The following TPST2 variants were observed in gnomAD, a reference collection of about 807,000 sequenced individuals.
TPST2 encodes protein-tyrosine sulfotransferase 2.
In TPST2, 16 loss-of-function variants were observed where a neutral mutation model predicts 27.8. The ratio of observed to expected loss-of-function variants is 0.58; its 90% CI spans 0.39 to 0.88. The LOEUF (loss-of-function observed/expected upper bound fraction) is 0.88. Among genes scored for constraint, TPST2 ranks in the 40% least tolerant of loss-of-function variants. TPST2 has a pLI of 0.00. For synonymous variants in TPST2, 229 were observed against 231.7 expected, an observed-to-expected ratio of 0.99 and a Z score of 0.10; for missense variants, 464 against 543.1, an observed-to-expected ratio of 0.85 and a Z score of 1.45.
Position 26,587,086 on chromosome 22 carries a change from G to T in TPST2, c.-161+2967C>A, listed in dbSNP as rs982337087. Among the ~76,000 whole-genome samples, 3 of 152,326 alleles carry T rather than the reference G, an allele frequency of 2.0e-5. No individual in the cohort carries two copies. In the East Asian group the frequency reaches 5.8e-4, roughly 29 times the overall value. ...GAAGTCACCTTCAGAGTAGCGTGGG[G>T]GGTTCCAGATAGGGTGTGGGCAGGA... On this transcript the variant is annotated intron_variant, in intron 1 of 6. Transcript: ENST00000338754.
intron 1 of TPST2, among the ~76,000 whole-genome samples, chr22:26,580,119 C>T (rs1928037910): frequency 6.6e-6 from 1 of 152,082 alleles, no homozygotes; most frequent in South Asian, 2.1e-4. Flanking sequence ...TGGTCTGTAC[C>T]TGTAGTCCCA....
At chr22:26,571,845 A>G (rs1927639856) in intron 1 of TPST2, among the ~76,000 whole-genome samples, 1 of 152,056 alleles carries the variant, frequency 6.6e-6, no homozygotes, top group Admixed American at 6.6e-5. Flanking sequence ...AGTCCTGTGC[A>G]TTACACTCAA....
intron 1 of TPST2, among the ~76,000 whole-genome samples, chr22:26,548,785 G>A (rs1405019511): frequency 6.9e-6 from 1 of 145,364 alleles, no homozygotes; most frequent in Non-Finnish European, 1.5e-5. Flanking sequence ...AACAAAGTGA[G>A]ACCCCATCAC....
At chr22:26,579,655 T>G (rs1009778485) in intron 1 of TPST2, among the ~76,000 whole-genome samples, 5 of 151,624 alleles carry the variant, frequency 3.3e-5, no homozygotes, top group Admixed American at 2.0e-4. Context: ...CCAAAGCAAG[T>G]GGGATGAAAA....
At chr22:26,553,047 C>T (rs28478561) in intron 1 of TPST2, among the ~76,000 whole-genome samples, 41 of 120,766 alleles carry the variant, frequency 3.4e-4, no homozygotes, top group East Asian at 2.5e-4. Flanking sequence ...GTGACAACAG[C>T]GAAACTCCAT....
intron 1 of TPST2, among the ~76,000 whole-genome samples, chr22:26,577,265 T>TAAAA (rs35985150): frequency 1.6e-5 from 2 of 127,568 alleles, no homozygotes; most frequent in Admixed American, 1.7e-4. Flanking sequence ...ACCCTGTCTT[T>TAAAA]AAAAAAAAAA....
chr22:26,523,925 A>G lies in TPST2; in HGVS notation c.*2350T>C, dbSNP rs1360601610. On this transcript the variant is annotated 3_prime_UTR_variant, in exon 7 of 7. Coordinates refer to ENST00000338754, the MANE Select transcript of TPST2 (RefSeq NM_003595.5). The stretch of plus-strand genomic sequence containing the variant: ...TGTTTTCCCAGGAAGTTCTCTGAAC[A>G]TCCAGGGTCTTCACAGATGGACTTC... The G allele has an allele frequency of 6.6e-6, 1 of 152,136 alleles. No individual in the cohort carries two copies. Among genetic ancestry groups the G allele is most frequent in the African/African-American group, 2.4e-5 (1 of 41,434 alleles). 9.4% of individuals were successfully genotyped at this position (152,136 alleles called of 1,614,324 possible). A position where few individuals can be genotyped will look rare whatever the true frequency, so the allele number is the denominator to read the frequency against.
intron 1 of TPST2, among the ~76,000 whole-genome samples, chr22:26,568,593 C>T (rs1927468209): frequency 6.6e-6 from 1 of 152,076 alleles, no homozygotes; most frequent in Non-Finnish European, 1.5e-5. Context: ...AATGCATGAG[C>T]GTGCTAAAAG....
At chr22:26,563,231 A>G (rs533931689) in intron 1 of TPST2, among the ~76,000 whole-genome samples, 3 of 152,260 alleles carry the variant, frequency 2.0e-5, no homozygotes, top group East Asian at 3.9e-4. Context: ...ATCAGTAAAC[A>G]AGACAAAGCC....
At position 26,522,614 on chromosome 22, in the gene TPST2, C is replaced by T. The variant is rs1924612095; in HGVS notation, c.*3661G>A. ...TTGCAGAGACTCACTCATACAGTGG[C>T]ATCAAGAGGTTATATGTGCAGGAGA... On this transcript the variant is annotated 3_prime_UTR_variant, in exon 7 of 7. Coordinates refer to ENST00000338754, the MANE Select transcript of TPST2 (RefSeq NM_003595.5). 2 of 152,240 alleles carry T rather than the reference C, an allele frequency of 1.3e-5. No homozygotes were observed. The highest frequency in any genetic ancestry group is 6.5e-5 in the Admixed American group (1 of 15,284). 9.4% of individuals were successfully genotyped at this position (152,240 alleles called of 1,614,324 possible). A position where few individuals can be genotyped will look rare whatever the true frequency, so the allele number is the denominator to read the frequency against.
intron 1 of TPST2, among the ~76,000 whole-genome samples, chr22:26,585,163 T>C (rs1928293251): frequency 1.3e-5 from 2 of 152,194 alleles, no homozygotes; most frequent in African/African-American, 4.8e-5. Context: ...CAGTGCCCCC[T>C]AGCTCCCTAT....
chr22:26,573,058 C>T (rs1419342643), intron 1 of TPST2, among the ~76,000 whole-genome samples: 2 of 152,168 alleles, frequency 1.3e-5, no homozygotes. Flanking sequence ...AAGGGCTTTA[C>T]TACCATATTA....
At chr22:26,530,631 C>CAAAAAAAAAAAAAAAAAAAAAAA (rs34776057) in intron 5 of TPST2, among the ~76,000 whole-genome samples, 18 of 118,270 alleles carry the variant, frequency 1.5e-4, no homozygotes, top group African/African-American at 3.9e-4. Context: ...AACCCCATCT[C>CAAAAAAAAAAAAAAAAAAAAAAA]AAAAAAAAAA....
rs759309232 is a variant in TPST2 at position 26,532,733 on chromosome 22, C to G, written c.1054G>C (p.Asp352His). Residue 352 changes from aspartate (D) to histidine (H), a missense_variant, in exon 5 of 7, where the codon GAC becomes CAC. Transcript: ENST00000338754. ...INNTQRVLKG[D>H]YKTPANLKGY... Reference sequence around the variant, plus strand: ...TTCAGATTGGCTGGTGTTTTATAGTCCCCTTTCAAGACCTAAGGAAGAGAA... The same window carrying G: ...TTCAGATTGGCTGGTGTTTTATAGTGCCCTTTCAAGACCTAAGGAAGAGAA... The G allele has an allele frequency of 6.2e-7, 1 of 1,613,758 alleles. No homozygotes were observed. Among genetic ancestry groups the G allele is most frequent in the Admixed American group, 1.7e-5 (1 of 59,942 alleles).
At chr22:26,531,730 G>C (rs1199007265) in intron 5 of TPST2, among the ~76,000 whole-genome samples, 1 of 152,172 alleles carries the variant, frequency 6.6e-6, no homozygotes, top group African/African-American at 2.4e-5. Flanking sequence ...AGCTGCCACA[G>C]ATTAAGGGCC....
chr22:26,568,946 C>T (rs963717261), intron 1 of TPST2, among the ~76,000 whole-genome samples: 6 of 147,284 alleles, frequency 4.1e-5, no homozygotes, highest in African/African-American at 1.3e-4. Context: ...TCACTGCAAG[C>T]TCCGCCTCCT....
chr22:26,584,776 C>T (rs557863733), intron 1 of TPST2, among the ~76,000 whole-genome samples: 1 of 152,352 alleles, frequency 6.6e-6, no homozygotes, highest in South Asian at 2.1e-4. Flanking sequence ...CTTCACCTCT[C>T]TGAGCCTCAG....
intron 4 of TPST2, among the ~76,000 whole-genome samples, chr22:26,533,058 A>G (rs1009610650): frequency 2.0e-5 from 3 of 152,170 alleles, no homozygotes; most frequent in Non-Finnish European, 4.4e-5. Context: ...TGTTGTGAAA[A>G]AAGTACAGTA....
At chr22:26,571,181 T>C (rs759260059) in intron 1 of TPST2, among the ~76,000 whole-genome samples, 17 of 152,196 alleles carry the variant, frequency 1.1e-4, no homozygotes, top group Non-Finnish European at 2.2e-4. Flanking sequence ...CACTGGCCCT[T>C]GCCTCTTCTC....
Sources: gnomAD v4.1 joint callset for allele counts (sites outside exome capture counted in the v4.1 genomes callset) on GRCh38, gnomAD v4.1.1 for gene constraint, MANE v1.5 for transcripts, NCBI Gene and HGNC (gene_info 2026-07-23, HGNC 2026-07-21) for gene names.